AK8: variants seen among roughly 807,000 people sequenced by gnomAD.
The protein encoded by AK8 is ATP-AMP transphosphorylase 8.
AK8 carries 44 observed loss-of-function variants against 54.6 expected under a neutral mutation model. The observed-to-expected ratio is 0.81, with a 90% CI of 0.63 to 1.04. The LOEUF (loss-of-function observed/expected upper bound fraction) is 1.04, where lower values mean the gene tolerates loss of function less well. AK8 is among the 50% of genes least tolerant of loss of function. The pLI is 0.00. For missense variants in AK8, 555 were observed against 613.6 expected (o/e 0.90, Z 1.01); for synonymous variants, 239 against 245.6 (o/e 0.97, Z 0.25).
chr9:132,804,327 G>C (rs987963335), intron 10 of AK8, among the ~76,000 whole-genome samples: 15 of 152,152 alleles, frequency 9.9e-5, no homozygotes, highest in African/African-American at 3.4e-4. Context: ...CTCAGCCCTT[G>C]AAGCAGCCGG....
chr9:132,789,619 A>G (rs1304876836), intron 11 of AK8, among the ~76,000 whole-genome samples: 71 of 149,798 alleles, frequency 4.7e-4, no homozygotes, highest in African/African-American at 1.6e-3. Flanking sequence ...AAAAAAAAAA[A>G]AAAGAAAGAA....
At chr9:132,792,511 C>T (rs962801599) in intron 11 of AK8, 123 bp downstream of exon 11, 118 of 1,351,898 alleles carry the variant, frequency 8.7e-5, no homozygotes, top group Non-Finnish European at 8.2e-5. Flanking sequence ...TGGGGATGAC[C>T]AGGAGACATT....
rs573002368 is a variant in AK8, at chr9:132,781,014, A to G, written c.1121+11620T>C. 1.4e-4 allele frequency among the ~76,000 whole-genome samples: 21 copies of G among 152,278 alleles called. No homozygotes were observed. The highest frequency in any genetic ancestry group is 3.9e-4 in the East Asian group (2 of 5,188). On this transcript the variant is annotated intron_variant, in intron 11 of 12. Coordinates refer to ENST00000298545, the MANE Select transcript of AK8 (RefSeq NM_152572.3). This position sits in a 1 kb window ranked among gnomAD's most constrained non-coding sequence, Gnocchi z 4.6. ...ATACACGGCAAACTTCCCAACATCA[A>G]TCAGAATCCTATACTCTTTCTCTGT...
chr9:132,785,809 C>A (rs1427904217), intron 11 of AK8, among the ~76,000 whole-genome samples: 2 of 151,944 alleles, frequency 1.3e-5, no homozygotes, highest in South Asian at 2.1e-4. Context: ...GTGTCATCAA[C>A]AAAAAATAAG....
intron 10 of AK8, among the ~76,000 whole-genome samples, chr9:132,804,460 G>T (rs1275460152): frequency 1.3e-5 from 2 of 152,162 alleles, no homozygotes; most frequent in African/African-American, 2.4e-5. Context: ...CTGCAATCAA[G>T]ATCGTGGATG....
Position 132,781,799 on chromosome 9 carries a change from G to T in AK8, c.1121+10835C>A, listed in dbSNP as rs1839481948. ...AATTACAGTCCTGATAGTCATCCTG[G>T]TGCTAGGTGGATTCATTTTAGAATA... On this transcript the variant is annotated intron_variant, in intron 11 of 12. Transcript: ENST00000298545. This position sits in a 1 kb window ranked among gnomAD's most constrained non-coding sequence, Gnocchi z 4.6. 6.6e-6 allele frequency among the ~76,000 whole-genome samples: 1 copy of T among 152,152 alleles called. No individual in the cohort carries two copies. The highest frequency in any genetic ancestry group is 2.4e-5 in the African/African-American group (1 of 41,420).
At chr9:132,797,104 C>T (rs1315700702) in intron 10 of AK8, among the ~76,000 whole-genome samples, 1 of 152,164 alleles carries the variant, frequency 6.6e-6, no homozygotes, top group Admixed American at 6.5e-5. Flanking sequence ...ACAGGCTCTG[C>T]AGCCAGCACT....
At chr9:132,820,282 T>A (rs1314742103) in intron 9 of AK8, among the ~76,000 whole-genome samples, 1 of 151,628 alleles carries the variant, frequency 6.6e-6, no homozygotes, top group African/African-American at 2.4e-5. Context: ...TGTATGGATA[T>A]TTCTTCATGC....
At chr9:132,808,982 G>A (rs1271998127) in intron 10 of AK8, among the ~76,000 whole-genome samples, 2 of 152,228 alleles carry the variant, frequency 1.3e-5, no homozygotes, top group African/African-American at 2.4e-5. Context: ...ATGGTAGGGT[G>A]TTCTGGCAGT....
At chr9:132,858,400 G>A (rs941797895) in intron 4 of AK8, among the ~76,000 whole-genome samples, 2 of 152,240 alleles carry the variant, frequency 1.3e-5, no homozygotes, top group Admixed American at 1.3e-4. Flanking sequence ...ACACTGGGAT[G>A]GCATGAGCCT....
At chr9:132,751,539 C>CA (rs879903382) in intron 11 of AK8, among the ~76,000 whole-genome samples, 2,273 of 96,438 alleles carry the variant, frequency 0.024, 55 homozygotes, top group African/African-American at 0.067. Context: ...AGTGAGACTC[C>CA]AAAAAAAAAA....
In AK8 at chr9:132,743,257, G is replaced by A. The variant is rs192419558; in HGVS notation, c.1122-15723C>T. Among the ~76,000 whole-genome samples, 34 of 152,376 alleles carry A rather than the reference G, an allele frequency of 2.2e-4. 1 individual carries two copies. Among genetic ancestry groups the A allele is most frequent in the Admixed American group, 1.1e-3 (17 of 15,306 alleles). On this transcript the variant is annotated intron_variant, in intron 11 of 12. Transcript: ENST00000298545. ...CTCGCGACCTGACCTGCCGTCGGGC[G>A]GCCCCACAGGCACGGGTCTGAGAGC...
At chr9:132,845,200 A>G (rs1383191593) in intron 5 of AK8, among the ~76,000 whole-genome samples, 2 of 152,224 alleles carry the variant, frequency 1.3e-5, no homozygotes, top group African/African-American at 4.8e-5. Context: ...CGTAGACTAC[A>G]GCTACCACCA....
At chr9:132,805,681 A>C (rs184788432) in intron 10 of AK8, among the ~76,000 whole-genome samples, 1 of 152,250 alleles carries the variant, frequency 6.6e-6, no homozygotes, top group East Asian at 1.9e-4. Context: ...TGATAAGCAA[A>C]GGTGCTCACC....
At chr9:132,733,650 C>A (rs957404429) in intron 11 of AK8, among the ~76,000 whole-genome samples, 2 of 152,222 alleles carry the variant, frequency 1.3e-5, no homozygotes, top group African/African-American at 4.8e-5. Context: ...TGGCTCATTG[C>A]GCCCAATGTG....
intron 10 of AK8, among the ~76,000 whole-genome samples, chr9:132,812,390 G>A (rs1472936522): frequency 1.4e-5 from 2 of 144,842 alleles, no homozygotes; most frequent in Non-Finnish European, 3.0e-5. Flanking sequence ...ACCACCACAC[G>A]TGGCTAATTT....
chr9:132,825,570 CTTT>C (rs1487537089), intron 8 of AK8, among the ~76,000 whole-genome samples: 4 of 152,166 alleles, frequency 2.6e-5, no homozygotes, highest in Non-Finnish European at 4.4e-5. Flanking sequence ...GGCATTTCTT[CTTT>C]AAGTAGCGAC....
In AK8 at chr9:132,837,259, C is replaced by T. The variant is rs1842363550; in HGVS notation, c.403-8533G>A. ...GCTTGAATCTTGGAGGCAGAGGTTG[C>T]AGTGAGCTGAGATTGCGCCACTGCA... On this transcript the variant is annotated intron_variant, in intron 5 of 12. Transcript: ENST00000298545. The surrounding 1 kb of genome is among the most constrained non-coding windows in gnomAD (Gnocchi z 4.3). Among the ~76,000 whole-genome samples, 1 of 147,554 alleles carries T rather than the reference C, an allele frequency of 6.8e-6. No homozygotes were observed. The highest frequency in any genetic ancestry group is 2.1e-4 in the South Asian group (1 of 4,722).
chr9:132,778,501 C>T (rs543606500), intron 11 of AK8, among the ~76,000 whole-genome samples: 227 of 152,192 alleles, frequency 1.5e-3, no homozygotes, highest in Non-Finnish European at 2.5e-3. Context: ...GAGAGTGGGG[C>T]GGGCAAGAAA....
Sources: allele counts gnomAD v4.1 joint callset (sites outside exome capture counted in the v4.1 genomes callset), GRCh38; gene constraint gnomAD v4.1.1; non-coding constraint Gnocchi (gnomAD v3.1); transcripts MANE v1.5; gene names NCBI Gene and HGNC (gene_info 2026-07-23, HGNC 2026-07-21).